The following CA13 variants were observed in gnomAD, a reference collection of about 807,000 sequenced individuals.
CA13 encodes the protein carbonic anhydrase 13.
Under a neutral mutation model 31.5 loss-of-function variants are expected in CA13, and 21 were observed. The observed-to-expected ratio is 0.67, with a 90% CI of 0.47 to 0.96. The LOEUF (loss-of-function observed/expected upper bound fraction) is 0.96. CA13 is among the 40% of genes least tolerant of loss of function. CA13 has a pLI of 0.00. For synonymous variants in CA13, 117 were observed against 111.4 expected, an observed-to-expected ratio of 1.05 and a Z score of -0.32; for missense variants, 315 against 318.9, an observed-to-expected ratio of 0.99 and a Z score of 0.09.
At position 85,259,427 on chromosome 8, in the gene CA13, G is replaced by A. The variant is rs771065915; in HGVS notation, c.242G>A (p.Arg81His). The A allele has an allele frequency of 2.1e-5, 34 of 1,613,258 alleles. No homozygotes were observed. The highest frequency in any genetic ancestry group is 8.3e-5 in the Admixed American group (5 of 59,986). ...AAAACATGTTGTTGTTTAGTTCTGC[G>A]TGGTGGTCCTCTCACTGGAAGCTAC... ...FDDTENKSVL[R>H]GGPLTGSYRL... Residue 81 changes from arginine to histidine, a missense_variant, in exon 3 of 7, where the codon CGT (arginine) becomes CAT (histidine). By Grantham distance (29) the Arg-to-His change is conservative. Transcript: ENST00000321764.
chr8:85,251,133 C>G (rs1418369368), intron 2 of CA13, among the ~76,000 whole-genome samples, 196 bp downstream of exon 2: 2 of 151,826 alleles, frequency 1.3e-5, no homozygotes, highest in Non-Finnish European at 2.9e-5. Flanking sequence ...TCCCGAGTAA[C>G]TGGGATTACA....
chr8:85,254,926 C>T (rs1807268584), intron 2 of CA13, among the ~76,000 whole-genome samples: 1 of 151,924 alleles, frequency 6.6e-6, no homozygotes, highest in South Asian at 2.1e-4. Flanking sequence ...CTGAATCCCA[C>T]CTCAGGCATG....
intron 1 of CA13, among the ~76,000 whole-genome samples, chr8:85,249,111 A>G (rs1331437510): frequency 1.3e-5 from 2 of 152,240 alleles, no homozygotes; most frequent in African/African-American, 4.8e-5. Context: ...TTATATATTT[A>G]TGCTATGACT....
intron 6 of CA13, among the ~76,000 whole-genome samples, chr8:85,280,843 T>C (rs1807692417): frequency 1.3e-5 from 2 of 152,128 alleles, no homozygotes; most frequent in South Asian, 4.1e-4. Context: ...AGTGAAAAAA[T>C]TAGGTTTCAA....
At chr8:85,256,214 T>TA (rs1807294200) in intron 2 of CA13, among the ~76,000 whole-genome samples, 1 of 152,200 alleles carries the variant, frequency 6.6e-6, no homozygotes, top group South Asian at 2.1e-4. Context: ...CCTTTATTTT[T>TA]AAAAAATTTG....
At chr8:85,274,079 G>C (rs1337958297) in intron 6 of CA13, among the ~76,000 whole-genome samples, 1 of 152,052 alleles carries the variant, frequency 6.6e-6, no homozygotes, top group African/African-American at 2.4e-5. Context: ...GCTGGTGCCA[G>C]TGGCCTTGTG....
At chr8:85,261,966 C>A (rs1807386091) in intron 3 of CA13, among the ~76,000 whole-genome samples, 1 of 152,118 alleles carries the variant, frequency 6.6e-6, no homozygotes, top group Non-Finnish European at 1.5e-5. Context: ...CCACCTTAGC[C>A]TCCAGAGCAA....
chr8:85,276,202 C>T (rs1428701486), intron 6 of CA13, among the ~76,000 whole-genome samples: 2 of 152,194 alleles, frequency 1.3e-5, no homozygotes, highest in Admixed American at 1.3e-4. Context: ...GGGCTTAGCA[C>T]CTGGGCCAGC....
At chr8:85,271,297 T>G (rs1807522458) in intron 6 of CA13, among the ~76,000 whole-genome samples, 1 of 152,238 alleles carries the variant, frequency 6.6e-6, no homozygotes, top group Admixed American at 6.5e-5. Flanking sequence ...CAAATGCCTA[T>G]GGAGATATGA....
At chr8:85,253,160 G>A (rs1807223122) in intron 2 of CA13, among the ~76,000 whole-genome samples, 1 of 151,984 alleles carries the variant, frequency 6.6e-6, no homozygotes, top group African/African-American at 2.4e-5. Context: ...AATCAGGCTG[G>A]TTTCGAACTC....
chr8:85,283,653 AGTATCCTAGTCAGG>A lies in CA13; in HGVS notation c.*2306_*2319del, dbSNP rs1807739719. Reference sequence around the variant, plus strand: ...TTCTTTAGTTTGGAAAGACCTGTGAAGTATCCTAGTCAGGGAAAGAACCTGTTTTCTGGAAGAAT... The same window carrying A: ...TTCTTTAGTTTGGAAAGACCTGTGAAGAAAGAACCTGTTTTCTGGAAGAAT... On this transcript the variant is annotated 3_prime_UTR_variant, in exon 7 of 7. Coordinates refer to ENST00000321764, the MANE Select transcript of CA13 (RefSeq NM_198584.3). 1 of 152,658 alleles carries A rather than the reference AGTATCCTAGTCAGG, an allele frequency of 6.6e-6. No homozygotes were observed. The highest frequency in any genetic ancestry group is 1.5e-5 in the Non-Finnish European group (1 of 68,044). The allele number at this position is 152,658 out of a possible 1,614,324, so 9.5% of individuals were successfully genotyped here.
intron 1 of CA13, among the ~76,000 whole-genome samples, chr8:85,246,907 G>A (rs1005555154): frequency 2.6e-5 from 4 of 152,110 alleles, no homozygotes; most frequent in Non-Finnish European, 5.9e-5. Flanking sequence ...CCTTCTATTA[G>A]CATGTACATG....
intron 6 of CA13, among the ~76,000 whole-genome samples, chr8:85,278,364 T>A (rs1225731852): frequency 6.6e-6 from 1 of 151,472 alleles, no homozygotes; most frequent in Non-Finnish European, 1.5e-5. Context: ...TTTTTAAGAA[T>A]TAACTCAAAG....
intron 3 of CA13, among the ~76,000 whole-genome samples, chr8:85,266,318 G>A (rs1285757996): frequency 6.6e-6 from 1 of 152,176 alleles, no homozygotes; most frequent in African/African-American, 2.4e-5. Context: ...AGCCTCCCGA[G>A]TAGCTGGGAC....
intron 6 of CA13, among the ~76,000 whole-genome samples, chr8:85,269,302 A>T (rs1807496542): frequency 1.3e-5 from 2 of 152,138 alleles, no homozygotes; most frequent in African/African-American, 4.8e-5. Flanking sequence ...AAATACAAAA[A>T]GTAGCCAGGT....
intron 3 of CA13, among the ~76,000 whole-genome samples, chr8:85,265,789 T>C (rs1807448194): frequency 1.3e-5 from 2 of 152,252 alleles, no homozygotes; most frequent in Non-Finnish European, 2.9e-5. Flanking sequence ...CATAAATGTA[T>C]ACAGTTATGA....
intron 6 of CA13, among the ~76,000 whole-genome samples, chr8:85,269,288 C>CA (rs1286211041): frequency 3.3e-5 from 5 of 152,028 alleles, no homozygotes; most frequent in African/African-American, 1.2e-4. Context: ...CTTGTCTCTA[C>CA]AAAAAATACA....
chr8:85,254,559 A>G (rs1212435555), intron 2 of CA13, among the ~76,000 whole-genome samples: 1 of 152,066 alleles, frequency 6.6e-6, no homozygotes, highest in African/African-American at 2.4e-5. Context: ...TTTCTTTTAA[A>G]TGAAGATCCT....
Position 85,281,510 on chromosome 8 carries a change from CTTTTTT to C in CA13, c.*166_*171del. ...CACAAAGAAAACCAGATCTCTCTCT[CTTTTTT>C]TTTTATTTTTTTTAGTGATAGAGTC... is the stretch of plus-strand genomic sequence containing the variant. On this transcript the variant is annotated 3_prime_UTR_variant, in exon 7 of 7. Coordinates refer to ENST00000321764, the MANE Select transcript of CA13 (RefSeq NM_198584.3). The C allele has an allele frequency of 8.0e-7, 1 of 1,243,896 alleles. No homozygotes were observed. The highest frequency in any genetic ancestry group is 1.0e-6 in the Non-Finnish European group (1 of 960,014). The allele number at this position is 1,243,896 out of a possible 1,614,324, so 77.1% of individuals were successfully genotyped here. A position where few individuals can be genotyped will look rare whatever the true frequency, so the allele number is the denominator to read the frequency against.
Sources: allele counts gnomAD v4.1 joint callset (sites outside exome capture counted in the v4.1 genomes callset), GRCh38; gene constraint gnomAD v4.1.1; transcripts MANE v1.5; gene names NCBI Gene and HGNC (gene_info 2026-07-23, HGNC 2026-07-21).